Variants in DYNC2H1 observed in about 807,000 individuals in gnomAD.
DYNC2H1 encodes cytoplasmic dynein 2 heavy chain 1.
In DYNC2H1, 410 loss-of-function variants were observed where a neutral mutation model predicts 570.0. The observed-to-expected ratio is 0.72, with a 90% CI of 0.66 to 0.78. The LOEUF (loss-of-function observed/expected upper bound fraction) is 0.78, where lower values mean the gene tolerates loss of function less well. Ranked by LOEUF, DYNC2H1 falls within the 30% of genes least tolerant of loss-of-function variation. The pLI, the probability that DYNC2H1 is intolerant of heterozygous loss-of-function variation, is 0.00. For missense variants in DYNC2H1, 4,865 were observed against 5,046.4 expected, an observed-to-expected ratio of 0.96 and a Z score of 1.09; for synonymous variants, 1,688 against 1,677.6, an observed-to-expected ratio of 1.01 and a Z score of -0.15.
intron 78 of DYNC2H1, among the ~76,000 whole-genome samples, chr11:103,309,062 A>G (rs1867437090): frequency 6.6e-6 from 1 of 151,662 alleles, no homozygotes; most frequent in South Asian, 2.1e-4. Context: ...CAAACCTTAT[A>G]TAGCTAAAAT....
chr11:103,177,895 C>T lies in DYNC2H1; in HGVS notation c.6139+75C>T. The T allele has an allele frequency of 6.8e-7, 1 of 1,463,174 alleles. No homozygotes were observed. The highest frequency in any genetic ancestry group is 9.1e-7 in the Non-Finnish European group (1 of 1,100,316). The allele number at this position is 1,463,174 out of a possible 1,614,324, so 90.6% of individuals were successfully genotyped here. A position where few individuals can be genotyped will look rare whatever the true frequency, so the allele number is the denominator to read the frequency against. ...TGATATAATTTGTCTATAATGCTGT[C>T]TTTGTCAAGACTTCTACATGACCAT... is the stretch of plus-strand genomic sequence containing the variant. On this transcript the variant is annotated intron_variant, in intron 38 of 88. Transcript: ENST00000375735. This position sits in a 1 kb window ranked among gnomAD's most constrained non-coding sequence, Gnocchi z 4.4.
chr11:103,128,524 T>C (rs1464044116), intron 12 of DYNC2H1, among the ~76,000 whole-genome samples: 2 of 152,222 alleles, frequency 1.3e-5, no homozygotes, highest in Non-Finnish European at 2.9e-5. Flanking sequence ...GTCTGAGACA[T>C]GAATAAATTA....
rs1352755610 is a variant in DYNC2H1, at chr11:103,228,193, T to C, written c.9354-3067T>C. On this transcript the variant is annotated intron_variant, in intron 59 of 88. Coordinates refer to ENST00000375735, the MANE Select transcript of DYNC2H1 (RefSeq NM_001377.3). This position sits in a 1 kb window ranked among gnomAD's most constrained non-coding sequence, Gnocchi z 6.1. ...TTACGCCATTTACGTTCAGTGTTAG[T>C]ATTGAGATGGGAGGTTTAGATCCAT... Among the ~76,000 whole-genome samples the C allele has an allele frequency of 1.3e-5, 2 of 152,164 alleles. No homozygotes were observed. The highest frequency in any genetic ancestry group is 2.9e-5 in the Non-Finnish European group (2 of 68,024).
In DYNC2H1 at chr11:103,135,564, C is replaced by G. The variant is rs1458283037; in HGVS notation, c.2275C>G (p.His759Asp). The G allele has an allele frequency of 6.2e-7, 1 of 1,612,714 alleles. No individual in the cohort carries two copies. Among genetic ancestry groups the G allele is most frequent in the African/African-American group, 1.3e-5 (1 of 74,902 alleles). Residue 759 changes from histidine to aspartate, a missense_variant, in exon 16 of 89, where the codon CAT (histidine) becomes GAT (aspartate). His to Asp is a moderately conservative substitution (Grantham distance 81). Around this residue, in one of 5 missense-constraint regions of DYNC2H1, gnomAD observed 1,936 missense variants for 1,962.1 expected, o/e 0.99. Transcript: ENST00000375735. The stretch of plus-strand genomic sequence containing the variant: ...TCATCAACTGTACAAAGCTCTGGAG[C>G]ATCAGTACCAGATGGGCTTAGAAGC... ...WNHQLYKALE[H>D]QYQMGLEALN...
intron 83 of DYNC2H1, among the ~76,000 whole-genome samples, chr11:103,393,283 A>G (rs1942250605): frequency 6.6e-6 from 1 of 152,192 alleles, no homozygotes; most frequent in African/African-American, 2.4e-5. Flanking sequence ...CTTAAATATC[A>G]TGGTCTGTGT....
chr11:103,189,545 T>G lies in DYNC2H1; in HGVS notation c.7293-127T>G. On this transcript the variant is annotated intron_variant, in intron 44 of 88. Transcript: ENST00000375735. This position sits in a 1 kb window ranked among gnomAD's most constrained non-coding sequence, Gnocchi z 4.3. ...ATGAGCCTAGTCTTAGCCCCCTGGG[T>G]AAGCTTTGGAGATATGTAGGTCTTA... 1.1e-6 allele frequency: 1 copy of G among 872,122 alleles called. No homozygotes were observed. Among genetic ancestry groups the G allele is most frequent in the Non-Finnish European group, 1.7e-6 (1 of 577,928 alleles). The allele number at this position is 872,122 out of a possible 1,614,324, so 54.0% of individuals were successfully genotyped here. A position where few individuals can be genotyped will look rare whatever the true frequency, so the allele number is the denominator to read the frequency against.
At chr11:103,147,056 T>G (rs1472993220) in intron 18 of DYNC2H1, among the ~76,000 whole-genome samples, 1 of 152,232 alleles carries the variant, frequency 6.6e-6, no homozygotes, top group Non-Finnish European at 1.5e-5. Flanking sequence ...TAGTTAGTGC[T>G]TTCATGAAAA....
At chr11:103,444,104 T>G (rs1944353739) in intron 85 of DYNC2H1, among the ~76,000 whole-genome samples, 1 of 151,598 alleles carries the variant, frequency 6.6e-6, no homozygotes, top group African/African-American at 2.4e-5. Flanking sequence ...TAAATTTTTA[T>G]TAATATTTCT....
chr11:103,129,073 G>C lies in DYNC2H1; in HGVS notation c.1953+68G>C. ...GAAGTGTTTAATTCTTAATTTTCCG[G>C]TGTTCCCTTCAGCTTAATATATCAA... On this transcript the variant is annotated intron_variant, in intron 13 of 88. Coordinates refer to ENST00000375735, the MANE Select transcript of DYNC2H1 (RefSeq NM_001377.3). The surrounding 1 kb of genome is among the most constrained non-coding windows in gnomAD (Gnocchi z 4.1). The C allele has an allele frequency of 7.3e-7, 1 of 1,366,740 alleles. No individual in the cohort carries two copies. The highest frequency in any genetic ancestry group is 2.5e-5 in the East Asian group (1 of 40,706). The allele number at this position is 1,366,740 out of a possible 1,614,324, so 84.7% of individuals were successfully genotyped here. A position where few individuals can be genotyped will look rare whatever the true frequency, so the allele number is the denominator to read the frequency against.
rs1034224417 is a variant in DYNC2H1 at position 103,133,042 on chromosome 11, G to A, written c.1954-513G>A. ...TGATGGAAGATCAGCTTTTTACTTAGTCCCACTGAAACATTAGAAAGGGGT... is the reference window on the plus strand; with the variant it reads ...TGATGGAAGATCAGCTTTTTACTTAATCCCACTGAAACATTAGAAAGGGGT... On this transcript the variant is annotated intron_variant, in intron 13 of 88. Transcript: ENST00000375735. The surrounding 1 kb of genome is among the most constrained non-coding windows in gnomAD (Gnocchi z 4.8). Among the ~76,000 whole-genome samples, 2 of 152,128 alleles carry A rather than the reference G, an allele frequency of 1.3e-5. No individual in the cohort carries two copies. The highest frequency in any genetic ancestry group is 4.8e-5 in the African/African-American group (2 of 41,428).
chr11:103,197,217 C>T (rs930243001), intron 47 of DYNC2H1, among the ~76,000 whole-genome samples: 5 of 151,340 alleles, frequency 3.3e-5, no homozygotes, highest in Admixed American at 2.6e-4. Flanking sequence ...GTTTTATTTG[C>T]TAATTTTATG....
At chr11:103,116,533 T>C (rs376176589) in intron 4 of DYNC2H1, 37 bp from the exon 5 acceptor site, 37 of 1,529,666 alleles carry the variant, frequency 2.4e-5, no homozygotes, top group Non-Finnish European at 3.0e-5. Flanking sequence ...AAGGTACAAA[T>C]ATAATTATGT....
In DYNC2H1 at chr11:103,204,990, T is replaced by C. The variant is rs1263333076; in HGVS notation, c.8454+26T>C. The C allele has an allele frequency of 3.3e-6, 5 of 1,535,102 alleles. No individual in the cohort carries two copies. In the South Asian group the frequency reaches 6.3e-5, roughly 19 times the overall value. On this transcript the variant is annotated intron_variant, in intron 52 of 88. Coordinates refer to ENST00000375735, the MANE Select transcript of DYNC2H1 (RefSeq NM_001377.3). This position sits in a 1 kb window ranked among gnomAD's most constrained non-coding sequence, Gnocchi z 4.1. ...GTAAGTTTAACAAATATTAAAAAAT[T>C]TAAAAGCACATTTTATTTTTGAAGT...
At position 103,324,581 on chromosome 11, in the gene DYNC2H1, A is replaced by G. The variant is rs1356040755; in HGVS notation, c.12039+591A>G. Among the ~76,000 whole-genome samples, 2 of 152,242 alleles carry G rather than the reference A, an allele frequency of 1.3e-5. No homozygotes were observed. The highest frequency in any genetic ancestry group is 4.8e-5 in the African/African-American group (2 of 41,536). On this transcript the variant is annotated intron_variant, in intron 82 of 88. Coordinates refer to ENST00000375735, the MANE Select transcript of DYNC2H1 (RefSeq NM_001377.3). This position sits in a 1 kb window ranked among gnomAD's most constrained non-coding sequence, Gnocchi z 5.2. ...TTATGTTGCATATTCCATGTTGTCT[A>G]TGTATCACATTTTCTTTATTCAGTC...
At chr11:103,282,132 T>C in intron 71 of DYNC2H1, 47 bp from the exon 72 acceptor site, 1 of 1,567,050 alleles carries the variant, frequency 6.4e-7, no homozygotes, top group Non-Finnish European at 8.7e-7. Flanking sequence ...TTTTGTTAAC[T>C]GGTTATCATT....
At chr11:103,374,125 A>G (rs909400612) in intron 83 of DYNC2H1, among the ~76,000 whole-genome samples, 2 of 152,134 alleles carry the variant, frequency 1.3e-5, no homozygotes, top group African/African-American at 2.4e-5. Flanking sequence ...GCCACACTAT[A>G]TCTTTTAATT....
At chr11:103,112,932 AAAT>A (rs1322009532) in intron 1 of DYNC2H1, among the ~76,000 whole-genome samples, 2 of 152,232 alleles carry the variant, frequency 1.3e-5, no homozygotes, top group African/African-American at 4.8e-5. Context: ...TTCCGATTTA[AAAT>A]AATCTAGCTA....
At chr11:103,246,657 C>T (rs1370477473) in intron 65 of DYNC2H1, among the ~76,000 whole-genome samples, 1 of 152,022 alleles carries the variant, frequency 6.6e-6, no homozygotes, top group Admixed American at 6.6e-5. Context: ...TCGTGTCACA[C>T]TAGTCTGTTA....
intron 35 of DYNC2H1, among the ~76,000 whole-genome samples, chr11:103,173,766 T>C (rs1001804272): frequency 6.6e-6 from 1 of 152,106 alleles, no homozygotes; most frequent in Non-Finnish European, 1.5e-5. Flanking sequence ...GAGAGCAAGA[T>C]GGATTGATTA....
Sources: allele counts gnomAD v4.1 joint callset (sites outside exome capture counted in the v4.1 genomes callset), GRCh38; gene constraint gnomAD v4.1.1; regional missense constraint gnomAD v4.1.1; non-coding constraint Gnocchi (gnomAD v3.1); transcripts MANE v1.5; gene names NCBI Gene and HGNC (gene_info 2026-07-23, HGNC 2026-07-21).